The following CEP41 variants were observed in gnomAD, a reference collection of about 807,000 sequenced individuals.
CEP41 encodes centrosomal protein of 41 kDa.
CEP41 carries 32 observed loss-of-function variants against 44.3 expected under a neutral mutation model. That is an observed-to-expected ratio of 0.72 (90% CI 0.54 to 0.97). CEP41 has a LOEUF of 0.97. CEP41 is among the 50% of genes least tolerant of loss of function. The probability of loss-of-function intolerance (pLI) is 0.00; values close to 1 mark genes in which losing one functional copy is unlikely to be tolerated. For missense variants in CEP41, 432 were observed against 455.2 expected (o/e 0.95, Z 0.46); for synonymous variants, 151 against 168.5 (o/e 0.90, Z 0.80).
intron 2 of CEP41, among the ~76,000 whole-genome samples, chr7:130,422,846 A>T (rs1797548505): frequency 6.6e-6 from 1 of 152,236 alleles, no homozygotes; most frequent in African/African-American, 2.4e-5. Flanking sequence ...CCTCCAGCTA[A>T]GAAAAAGAAA....
Position 130,393,973 on chromosome 7 carries a change from T to C in CEP41, c.*4918A>G. The C allele has an allele frequency of 2.2e-6, 1 of 454,042 alleles. No homozygotes were observed. The highest frequency in any genetic ancestry group is 4.4e-6 in the Non-Finnish European group (1 of 226,778). The allele number at this position is 454,042 out of a possible 1,614,324, so 28.1% of individuals were successfully genotyped here. A position where few individuals can be genotyped will look rare whatever the true frequency, so the allele number is the denominator to read the frequency against. ...AGACAGCAGACACAGGCGGTGGAAA[T>C]GTGGAAATACGCATTCCCCAGAGCA... On this transcript the variant is annotated 3_prime_UTR_variant, in exon 11 of 11. Transcript: ENST00000223208.
At chr7:130,416,482 G>A (rs1554420904) in intron 3 of CEP41, among the ~76,000 whole-genome samples, 2 of 152,146 alleles carry the variant, frequency 1.3e-5, no homozygotes, top group African/African-American at 4.8e-5. Context: ...AAGTTCTCAC[G>A]TCCCTGTCTT....
intron 3 of CEP41, among the ~76,000 whole-genome samples, chr7:130,414,830 G>A (rs568627067): frequency 1.6e-4 from 25 of 152,364 alleles, no homozygotes; most frequent in South Asian, 1.2e-3. Flanking sequence ...TCGCAAGAGC[G>A]AACAGAGCTT....
intron 5 of CEP41, among the ~76,000 whole-genome samples, chr7:130,410,048 C>T (rs186083056): frequency 0.022 from 880 of 40,598 alleles, 27 homozygotes; most frequent in Admixed American, 0.12. Flanking sequence ...TTTTTTGAGA[C>T]AGAGTCTTGC....
chr7:130,431,577 G>T (rs1156487882), intron 1 of CEP41, among the ~76,000 whole-genome samples: 1 of 152,140 alleles, frequency 6.6e-6, no homozygotes, highest in Non-Finnish European at 1.5e-5. Context: ...GGTTAAAAGA[G>T]TCAAGAACTG....
At chr7:130,418,967 T>A (rs912559142) in intron 2 of CEP41, 5 of 518,758 alleles carry the variant, frequency 9.6e-6, no homozygotes, top group African/African-American at 8.3e-5. Flanking sequence ...CAGTCTTTAT[T>A]ATTGAAACAC....
chr7:130,428,914 AAAATAAATAAATAAAT>A (rs576364646), intron 1 of CEP41, among the ~76,000 whole-genome samples: 7 of 150,536 alleles, frequency 4.7e-5, no homozygotes, highest in Non-Finnish European at 1.0e-4. Flanking sequence ...CTGTCTCAAA[AAAATAAATAAATAAAT>A]AAATAAATAA....
At chr7:130,440,793 C>CCCCCCCCCCCACCCCCACCCCCCCCCT in intron 1 of CEP41, 141 bp downstream of exon 1, 1 of 689,788 alleles carries the variant, frequency 1.4e-6, no homozygotes, top group Admixed American at 1.9e-5. Context: ...CCCGCCCCGC[C>CCCCCCCCCCCACCCCCACCCCCCCCCT]CCTGCATCCC....
At chr7:130,411,353 TTTGTG>T (rs1440102111) in intron 4 of CEP41, among the ~76,000 whole-genome samples, 162 bp from the exon 5 acceptor site, 10 of 152,186 alleles carry the variant, frequency 6.6e-5, no homozygotes, top group Non-Finnish European at 1.5e-5. Flanking sequence ...CCTCCTTCCT[TTTGTG>T]TTGGTAATAT....
chr7:130,397,022 A>G lies in CEP41; in HGVS notation c.*1869T>C. 1 of 454,556 alleles carries G rather than the reference A, an allele frequency of 2.2e-6. No homozygotes were observed. The highest frequency in any genetic ancestry group is 4.4e-6 in the Non-Finnish European group (1 of 226,796). The allele number at this position is 454,556 out of a possible 1,614,324, so 28.2% of individuals were successfully genotyped here. A position where few individuals can be genotyped will look rare whatever the true frequency, so the allele number is the denominator to read the frequency against. Reference sequence around the variant, plus strand: ...AACAGCATAACCAGAACTTTCTTACAGAGAAAAATCTTTTTTCCTTAAAAA... The same window carrying G: ...AACAGCATAACCAGAACTTTCTTACGGAGAAAAATCTTTTTTCCTTAAAAA... On this transcript the variant is annotated 3_prime_UTR_variant, in exon 11 of 11. Coordinates refer to ENST00000223208, the MANE Select transcript of CEP41 (RefSeq NM_018718.3).
At chr7:130,426,695 G>C (rs1554423614) in intron 2 of CEP41, 1 of 455,634 alleles carries the variant, frequency 2.2e-6, no homozygotes, top group Non-Finnish European at 4.4e-6. Context: ...GGGTAGAGAT[G>C]AAAGAGCTGA....
At chr7:130,418,469 T>C (rs1554421346) in intron 2 of CEP41, among the ~76,000 whole-genome samples, 2 of 152,204 alleles carry the variant, frequency 1.3e-5, no homozygotes, top group African/African-American at 2.4e-5. Context: ...CAAATCAGTA[T>C]GCTGTTCAGC....
intron 1 of CEP41, among the ~76,000 whole-genome samples, chr7:130,436,806 G>A (rs1797978859): frequency 6.6e-6 from 1 of 152,208 alleles, no homozygotes; most frequent in African/African-American, 2.4e-5. Flanking sequence ...GGCCAAGGCA[G>A]CAGGTGGATG....
rs1796821076 is a variant in CEP41, at chr7:130,400,809, C to T, written c.655G>A (p.Gly219Ser). 6.2e-7 allele frequency: 1 copy of T among 1,610,460 alleles called. No homozygotes were observed. Among genetic ancestry groups the T allele is most frequent in the Non-Finnish European group, 8.5e-7 (1 of 1,177,916 alleles). The change falls in exon 9 of 11, where the codon GGC becomes AGC. Residue 219 changes from glycine (G) to serine (S), a missense_variant. Coordinates refer to ENST00000223208, the MANE Select transcript of CEP41 (RefSeq NM_018718.3). ...NDILEYKNAH[G>S]KIIILYDDDE... ...TCGTCATACAGAATGATGATCTTGC[C>T]ATGGGCATTTTTCTAAGAGTCAGAT...
rs886061995 is a variant in CEP41 at position 130,396,732 on chromosome 7, G to A, written c.*2159C>T. The A allele has an allele frequency of 2.2e-6, 1 of 454,402 alleles. No individual in the cohort carries two copies. Among genetic ancestry groups the A allele is most frequent in the Non-Finnish European group, 4.4e-6 (1 of 226,800 alleles). 28.1% of individuals were successfully genotyped at this position (454,402 alleles called of 1,614,324 possible). On this transcript the variant is annotated 3_prime_UTR_variant, in exon 11 of 11. Transcript: ENST00000223208. ...GATTAGAACAGCTCTTTTGAGCATGGTTATTTAAAATCCTTACCAACAGGG... is the reference window on the plus strand; with the variant it reads ...GATTAGAACAGCTCTTTTGAGCATGATTATTTAAAATCCTTACCAACAGGG...
At chr7:130,416,873 C>T (rs782237916) in intron 3 of CEP41, 46 bp downstream of exon 3, 5 of 1,401,898 alleles carry the variant, frequency 3.6e-6, no homozygotes, top group Non-Finnish European at 5.1e-6. Flanking sequence ...ATTTATAGAA[C>T]AACTATAGAC....
chr7:130,398,259 G>A lies in CEP41; in HGVS notation c.*632C>T. Reference sequence around the variant, plus strand: ...TAGTAAGGGGGAGCATTCAGTGAGTGTACAGCTACTTTCCTCATCTTCAAT... The same window carrying A: ...TAGTAAGGGGGAGCATTCAGTGAGTATACAGCTACTTTCCTCATCTTCAAT... On this transcript the variant is annotated 3_prime_UTR_variant, in exon 11 of 11. Coordinates refer to ENST00000223208, the MANE Select transcript of CEP41 (RefSeq NM_018718.3). The A allele has an allele frequency of 2.2e-6, 1 of 454,160 alleles. No homozygotes were observed. Among genetic ancestry groups the A allele is most frequent in the South Asian group, 1.6e-5 (1 of 64,474 alleles). The allele number at this position is 454,160 out of a possible 1,614,324, so 28.1% of individuals were successfully genotyped here.
intron 9 of CEP41, 63 bp from the exon 10 acceptor site, chr7:130,400,317 A>G (rs1006361689): frequency 3.6e-5 from 41 of 1,138,426 alleles, no homozygotes; most frequent in Non-Finnish European, 4.9e-5. Flanking sequence ...CAAAACCTGG[A>G]AAGAAGCCTG....
intron 1 of CEP41, among the ~76,000 whole-genome samples, 163 bp from the exon 2 acceptor site, chr7:130,428,181 T>C (rs1159612292): frequency 6.6e-6 from 1 of 152,060 alleles, no homozygotes; most frequent in Non-Finnish European, 1.5e-5. Context: ...CCTAACACTT[T>C]AGGAGGCCGA....
Sources: gnomAD v4.1 joint callset for allele counts (sites outside exome capture counted in the v4.1 genomes callset) on GRCh38, gnomAD v4.1.1 for gene constraint, MANE v1.5 for transcripts, NCBI Gene and HGNC (gene_info 2026-07-23, HGNC 2026-07-21) for gene names.